NFKB1: variants seen among roughly 807,000 people sequenced by gnomAD.
NFKB1 encodes the protein nuclear factor NF-kappa-B p105 subunit.
NFKB1 carries 9 observed loss-of-function variants against 105.1 expected under a neutral mutation model. The ratio of observed to expected loss-of-function variants is 0.09; its 90% CI spans 0.05 to 0.15. The LOEUF is 0.15. NFKB1 is among the 10% of genes least tolerant of loss of function. The pLI, the probability that NFKB1 is intolerant of heterozygous loss-of-function variation, is 1.00. For missense variants in NFKB1, 830 were observed against 1,203.7 expected, an observed-to-expected ratio of 0.69 and a Z score of 4.59; for synonymous variants, 440 against 442.2, an observed-to-expected ratio of 1.00 and a Z score of 0.06.
At position 102,524,336 on chromosome 4, in the gene NFKB1, G is replaced by A. The variant is rs185979530; in HGVS notation, c.-7-1176G>A. Among the ~76,000 whole-genome samples the A allele has an allele frequency of 1.1e-4, 17 of 152,216 alleles. No individual in the cohort carries two copies. The East Asian group carries it at 3.1e-3, about 28-fold the overall frequency. On this transcript the variant is annotated intron_variant, in intron 1 of 23. Transcript: ENST00000226574. Reference sequence around the variant, plus strand: ...TTTAGCTGGAGTTGATTAAATCTGAGACCTATAGCCTTGATAATAAGGACT... The same window carrying A: ...TTTAGCTGGAGTTGATTAAATCTGAAACCTATAGCCTTGATAATAAGGACT...
chr4:102,548,766 C>G (rs192477561), intron 5 of NFKB1, among the ~76,000 whole-genome samples: 1 of 152,094 alleles, frequency 6.6e-6, no homozygotes, highest in African/African-American at 2.4e-5. Flanking sequence ...CTGCATCATT[C>G]CAATTTCTGT....
intron 6 of NFKB1, among the ~76,000 whole-genome samples, chr4:102,574,125 C>CTTTTTTTTTT (rs56977004): frequency 5.4e-5 from 5 of 93,250 alleles, no homozygotes; most frequent in African/African-American, 9.1e-5. Flanking sequence ...TCTTGGATTC[C>CTTTTTTTTTT]TTTTTTTTTT....
intron 3 of NFKB1, among the ~76,000 whole-genome samples, chr4:102,531,285 A>G (rs1192472160): frequency 2.0e-5 from 3 of 152,222 alleles, no homozygotes; most frequent in Admixed American, 6.5e-5. Flanking sequence ...TTATTTTGCC[A>G]TAATATTAGA....
chr4:102,530,650 C>T (rs182521442), intron 3 of NFKB1, among the ~76,000 whole-genome samples: 6 of 152,256 alleles, frequency 3.9e-5, no homozygotes, highest in South Asian at 2.1e-4. Flanking sequence ...GTTTGGTAAT[C>T]GCTGAAGGAG....
rs561837716 is a variant in NFKB1 at position 102,591,433 on chromosome 4, A to G, written c.1067-1992A>G. On this transcript the variant is annotated intron_variant, in intron 11 of 23. Coordinates refer to ENST00000226574, the MANE Select transcript of NFKB1 (RefSeq NM_003998.4). ...AGACCCTGGCTCAAAAAAAAAAAAAAAAAAGGCAGACTTTCTCATTAGGAG... is the reference window on the plus strand; with the variant it reads ...AGACCCTGGCTCAAAAAAAAAAAAAGAAAAGGCAGACTTTCTCATTAGGAG... Among the ~76,000 whole-genome samples the G allele has an allele frequency of 2.6e-3, 397 of 152,038 alleles. 2 individuals are homozygous for G. Among genetic ancestry groups the G allele is most frequent in the African/African-American group, 8.9e-3 (370 of 41,466 alleles).
At chr4:102,504,061 G>T (rs980263512) in intron 1 of NFKB1, among the ~76,000 whole-genome samples, 5 of 152,168 alleles carry the variant, frequency 3.3e-5, no homozygotes, top group African/African-American at 1.2e-4. Context: ...AGAGGTGAAA[G>T]TTCTGGCTTC....
chr4:102,597,141 G>A (rs1364815029), intron 14 of NFKB1, among the ~76,000 whole-genome samples: 1 of 152,204 alleles, frequency 6.6e-6, no homozygotes, highest in Non-Finnish European at 1.5e-5. Context: ...AATTGTTAGA[G>A]ATTCCAATGA....
intron 6 of NFKB1, among the ~76,000 whole-genome samples, chr4:102,575,188 A>G (rs183377789): frequency 6.6e-6 from 1 of 152,264 alleles, no homozygotes; most frequent in Admixed American, 6.5e-5. Flanking sequence ...TGTTCTAGGG[A>G]CTAGAGATCT....
chr4:102,561,362 A>G (rs1255871432), intron 5 of NFKB1, among the ~76,000 whole-genome samples: 1 of 148,500 alleles, frequency 6.7e-6, no homozygotes, highest in Non-Finnish European at 1.5e-5. Context: ...CTGTGGCATG[A>G]CTCTGTGAAG....
chr4:102,502,390 G>GCGCGCACACGCGCA (rs1311577382), intron 1 of NFKB1, among the ~76,000 whole-genome samples: 1 of 105,392 alleles, frequency 9.5e-6, no homozygotes, highest in Non-Finnish European at 1.8e-5. Context: ...GCGCGCGCGC[G>GCGCGCACACGCGCA]CACACACACA....
chr4:102,533,435 A>G (rs937660033), intron 3 of NFKB1, among the ~76,000 whole-genome samples: 8 of 152,208 alleles, frequency 5.3e-5, no homozygotes, highest in Admixed American at 5.2e-4. Context: ...GTCAGTGTCT[A>G]ATGATGTGAA....
intron 9 of NFKB1, among the ~76,000 whole-genome samples, chr4:102,581,977 C>T (rs1387808304): frequency 1.3e-5 from 2 of 152,112 alleles, no homozygotes; most frequent in Non-Finnish European, 2.9e-5. Context: ...AAACTTTGAA[C>T]AAAGTCAATA....
chr4:102,532,560 A>G (rs942560236), intron 3 of NFKB1, among the ~76,000 whole-genome samples: 6 of 152,098 alleles, frequency 3.9e-5, no homozygotes, highest in Admixed American at 1.3e-4. Context: ...CCCAGGAAGC[A>G]GAGATTGTGG....
intron 5 of NFKB1, among the ~76,000 whole-genome samples, chr4:102,542,024 G>A (rs569278179): frequency 1.3e-4 from 20 of 152,238 alleles, no homozygotes; most frequent in African/African-American, 4.8e-4. Flanking sequence ...GTGGTTTGCA[G>A]GCTGTAGACA....
chr4:102,610,795 A>G (rs1182582560), intron 20 of NFKB1, 96 bp downstream of exon 20: 3 of 1,400,674 alleles, frequency 2.1e-6, no homozygotes, highest in Non-Finnish European at 2.9e-6. Context: ...TTATTCCCCA[A>G]AGAACATGCC....
In NFKB1 at chr4:102,607,126, A is replaced by C. The variant is rs372156600; in HGVS notation, c.1955-24A>C. 2.5e-6 allele frequency: 4 copies of C among 1,613,674 alleles called. No individual in the cohort carries two copies. The East Asian group carries it at 6.7e-5, about 27-fold the overall frequency. On this transcript the variant is annotated intron_variant, in intron 17 of 23. Transcript: ENST00000226574. ...TGTGAGTTAGCCATCCCATCCTGTG[A>C]CTGTCCCTTTGCTTGGACTCTAGGT...
intron 5 of NFKB1, among the ~76,000 whole-genome samples, chr4:102,551,367 T>C (rs230513): frequency 0.57 from 85,422 of 149,842 alleles, 24,524 homozygotes; most frequent in Middle Eastern, 0.7. Flanking sequence ...TGTGTGTGTG[T>C]GCGCGCGCGC....
At chr4:102,564,070 T>C (rs969265787) in intron 5 of NFKB1, among the ~76,000 whole-genome samples, 4 of 152,008 alleles carry the variant, frequency 2.6e-5, no homozygotes, top group African/African-American at 9.7e-5. Flanking sequence ...TCTACCCGTC[T>C]CGGCCTCCCA....
chr4:102,591,520 A>C (rs1726174787), intron 11 of NFKB1, among the ~76,000 whole-genome samples: 2 of 152,088 alleles, frequency 1.3e-5, no homozygotes, highest in Admixed American at 1.3e-4. Context: ...AAAATCCTAG[A>C]GCTCTTAAGA....
Sources: allele counts gnomAD v4.1 joint callset (sites outside exome capture counted in the v4.1 genomes callset), GRCh38; gene constraint gnomAD v4.1.1; transcripts MANE v1.5; gene names NCBI Gene and HGNC (gene_info 2026-07-23, HGNC 2026-07-21).